Variants in HMCES observed in about 807,000 individuals in gnomAD.
The protein encoded by HMCES is 5-hydroxymethylcytosine binding, ES cell specific, also known as abasic site processing protein HMCES.
In HMCES, 27 loss-of-function variants were observed where a neutral mutation model predicts 35.1. That is an observed-to-expected ratio of 0.77 (90% confidence interval 0.57 to 1.06). The LOEUF (loss-of-function observed/expected upper bound fraction) is 1.06. Among genes scored for constraint, HMCES ranks in the 50% least tolerant of loss-of-function variants. HMCES has a pLI of 0.00. For synonymous variants in HMCES, 130 were observed against 154.7 expected, an observed-to-expected ratio of 0.84 and a Z score of 1.18; for missense variants, 391 against 430.4, an observed-to-expected ratio of 0.91 and a Z score of 0.81.
chr3:129,282,312 AGC>A, intron 2 of HMCES, among the ~76,000 whole-genome samples: 3 of 151,852 alleles, frequency 2.0e-5, no homozygotes, highest in South Asian at 2.1e-4. Context: ...AAAAAAAAAA[AGC>A]CTTAGTCATT....
chr3:129,298,461 GGGA>G lies in HMCES; in HGVS notation c.566_568del (p.Gly189del), dbSNP rs778989509. 20 of 1,614,178 alleles carry G rather than the reference GGGA, an allele frequency of 1.2e-5. No homozygotes were observed. In the South Asian group the frequency reaches 1.9e-4, roughly 15 times the overall value. On this transcript the variant is annotated inframe_deletion, in exon 5 of 7. Transcript: ENST00000383463. ...TCTTTGACTGCTGGGAGCCCCCAGA[GGGA>G]GGAGATGTCCTGTATTCCTATACCA...
At chr3:129,291,596 AATTC>A (rs1194038192) in intron 4 of HMCES, among the ~76,000 whole-genome samples, 1 of 152,214 alleles carries the variant, frequency 6.6e-6, no homozygotes, top group Non-Finnish European at 1.5e-5. Context: ...ACATTTTGTT[AATTC>A]ATTCATCAGT....
At chr3:129,288,049 T>A (rs573791381) in intron 2 of HMCES, among the ~76,000 whole-genome samples, 1 of 151,496 alleles carries the variant, frequency 6.6e-6, no homozygotes, top group Non-Finnish European at 1.5e-5. Context: ...AGAGCGAGAC[T>A]CCGTCTCAAA....
At position 129,302,131 on chromosome 3, in the gene HMCES, G is replaced by C. The variant is rs970647269; in HGVS notation, c.817G>C (p.Val273Leu). ...TPECLAPVDLVVKKELRASGS... is the reference protein window; with the variant it reads ...TPECLAPVDLLVKKELRASGS... The stretch of plus-strand genomic sequence containing the variant: ...TGAGTGTCTGGCTCCTGTCGACTTG[G>C]TGGTCAAAAAGGTAGGGGCCTGTGA... The change falls in exon 6 of 7, where the codon GTG (valine) becomes CTG (leucine). Residue 273 changes from valine (V) to leucine (L), a missense_variant. Transcript: ENST00000383463. 6 of 1,611,006 alleles carry C rather than the reference G, an allele frequency of 3.7e-6. No homozygotes were observed. The highest frequency in any genetic ancestry group is 4.2e-6 in the Non-Finnish European group (5 of 1,179,092).
At chr3:129,298,988 C>T (rs2071127822) in intron 5 of HMCES, among the ~76,000 whole-genome samples, 1 of 152,110 alleles carries the variant, frequency 6.6e-6, no homozygotes, top group African/African-American at 2.4e-5. Context: ...ACTAAAAATA[C>T]AACAACTAAA....
chr3:129,303,595 C>G (rs1178762487), intron 6 of HMCES, among the ~76,000 whole-genome samples: 1 of 152,120 alleles, frequency 6.6e-6, no homozygotes, highest in Non-Finnish European at 1.5e-5. Flanking sequence ...TGAAATGTAC[C>G]AACAAGCATT....
Position 129,304,811 on chromosome 3 carries a change from C to T in HMCES, c.1051C>T (p.Pro351Ser). 2 of 1,614,036 alleles carry T rather than the reference C, an allele frequency of 1.2e-6. No homozygotes were observed. The highest frequency in any genetic ancestry group is 8.5e-7 in the Non-Finnish European group (1 of 1,179,924). The stretch of plus-strand genomic sequence containing the variant: ...GGAGGAGGAACCTGTGGCCAAGCGT[C>T]CTTACAGCCAGTGACACAGGACTTT... ...EKEEEPVAKRPYSQ is the reference protein window; with the variant it reads ...EKEEEPVAKRSYSQ The change falls in exon 7 of 7, where the codon CCT becomes TCT. Residue 351 changes from proline to serine, a missense_variant. Transcript: ENST00000383463.
At chr3:129,303,726 G>T (rs567689467) in intron 6 of HMCES, among the ~76,000 whole-genome samples, 1 of 151,790 alleles carries the variant, frequency 6.6e-6, no homozygotes, top group East Asian at 1.9e-4. Context: ...GCCCATTTCT[G>T]CCATGGTCTT....
At chr3:129,300,821 G>C (rs1230077275) in intron 5 of HMCES, among the ~76,000 whole-genome samples, 1 of 152,150 alleles carries the variant, frequency 6.6e-6, no homozygotes, top group Non-Finnish European at 1.5e-5. Flanking sequence ...ATGAGGTCAG[G>C]AGATCGAGAC....
chr3:129,302,841 C>T (rs925478795), intron 6 of HMCES, among the ~76,000 whole-genome samples: 2 of 151,458 alleles, frequency 1.3e-5, no homozygotes, highest in Admixed American at 6.6e-5. Flanking sequence ...AGTGAGACCC[C>T]GTTCTCCACA....
Position 129,302,003 on chromosome 3 carries a change from G to A in HMCES, c.689G>A (p.Gly230Asp). ...GCAGTTTCTAAATGGCTTGACTTTG[G>A]TGAAGTCTCAACTCAGGAAGCTCTG... ...EEAVSKWLDF[G>D]EVSTQEALKL... The change falls in exon 6 of 7, where the codon GGT (glycine) becomes GAT (aspartate). Residue 230 changes from glycine (G) to aspartate (D), a missense_variant. Physicochemically the swap from Gly to Asp is moderately conservative, Grantham distance 94. Transcript: ENST00000383463. The A allele has an allele frequency of 6.2e-6, 10 of 1,614,124 alleles. No homozygotes were observed. Among genetic ancestry groups the A allele is most frequent in the Non-Finnish European group, 8.5e-6 (10 of 1,180,010 alleles).
Position 129,290,738 on chromosome 3 carries a change from G to A in HMCES, c.387G>A (p.Gln129=). 1.2e-6 allele frequency: 2 copies of A among 1,613,596 alleles called. No homozygotes were observed. The highest frequency in any genetic ancestry group is 1.7e-6 in the Non-Finnish European group (2 of 1,179,562). ...VVLADGFYEW[Q]RCQGTNQRQP... is the part of the protein sequence containing the mutation. ...TAGCAGATGGATTCTATGAGTGGCA[G>A]CGATGTCAGGGAACAAACCAGAGGC... is the stretch of plus-strand genomic sequence containing the variant. Residue 129 remains glutamine, a synonymous_variant, in exon 4 of 7, where the codon CAG becomes CAA. Coordinates refer to ENST00000383463, the MANE Select transcript of HMCES (RefSeq NM_020187.3).
At chr3:129,296,833 C>T (rs62266904) in intron 4 of HMCES, among the ~76,000 whole-genome samples, 18,741 of 152,054 alleles carry the variant, frequency 0.12, 1,308 homozygotes, top group Middle Eastern at 0.23. Context: ...GGTGCGATCT[C>T]GGCTCACTGC....
rs757888582 is a variant in HMCES at position 129,279,799 on chromosome 3, C to T, written c.67C>T (p.Arg23Trp). The stretch of plus-strand genomic sequence containing the variant: ...CACGAGAGCTTGCGCCTACCAGGAT[C>T]GGCGGGGCCAGCAGCGGCTCCCGGA... Reference protein sequence around the residue: ...VLTRACAYQDRRGQQRLPEWR... With the variant: ...VLTRACAYQDWRGQQRLPEWR... The change falls in exon 2 of 7, where the codon CGG becomes TGG. Residue 23 changes from arginine (R) to tryptophan (W), a missense_variant. Coordinates refer to ENST00000383463, the MANE Select transcript of HMCES (RefSeq NM_020187.3). This position sits in a 1 kb window ranked among gnomAD's most constrained non-coding sequence, Gnocchi z 4.2. 1.2e-6 allele frequency: 2 copies of T among 1,613,248 alleles called. No individual in the cohort carries two copies. The highest frequency in any genetic ancestry group is 1.1e-5 in the South Asian group (1 of 90,916).
chr3:129,292,497 CTTT>C (rs763165708), intron 4 of HMCES, among the ~76,000 whole-genome samples: 1 of 133,788 alleles, frequency 7.5e-6, no homozygotes. Context: ...TTTTTTTCTT[CTTT>C]TTTTTTTTTT....
In HMCES at chr3:129,298,378, A is replaced by G. The variant is rs1237401803; in HGVS notation, c.478A>G (p.Ser160Gly). 6.2e-7 allele frequency: 1 copy of G among 1,614,224 alleles called. No individual in the cohort carries two copies. ...EKSGSIGAAD[S>G]PENWEKVWDN... ...GTCAGGTAGCATTGGTGCTGCAGAT[A>G]GTCCTGAGAACTGGGAGAAAGTCTG... is the stretch of plus-strand genomic sequence containing the variant. Residue 160 changes from serine (S) to glycine (G), a missense_variant, in exon 5 of 7, where the codon AGT (serine) becomes GGT (glycine). Ser to Gly is a moderately conservative substitution (Grantham distance 56). Coordinates refer to ENST00000383463, the MANE Select transcript of HMCES (RefSeq NM_020187.3).
chr3:129,301,857 A>G (rs919725425), intron 5 of HMCES, 93 bp from the exon 6 acceptor site: 3 of 1,003,818 alleles, frequency 3.0e-6, no homozygotes, highest in East Asian at 2.4e-5. Flanking sequence ...TCCCCTTGTG[A>G]TATTTGAGGT....
At position 129,279,610 on chromosome 3, in the gene HMCES, G is replaced by GC; in HGVS notation, c.-23-99dup. ...GACTTTAGACGGTGGTCACGGAGGG[G>GC]CACGGCCCTGTGGGAACGGAAAGAG... On this transcript the variant is annotated intron_variant, in intron 1 of 6. Coordinates refer to ENST00000383463, the MANE Select transcript of HMCES (RefSeq NM_020187.3). The surrounding 1 kb of genome is among the most constrained non-coding windows in gnomAD (Gnocchi z 4.2). 8.4e-7 allele frequency: 1 copy of GC among 1,192,230 alleles called. No homozygotes were observed. Among genetic ancestry groups the GC allele is most frequent in the Non-Finnish European group, 1.2e-6 (1 of 845,660 alleles). 73.9% of individuals were successfully genotyped at this position (1,192,230 alleles called of 1,614,324 possible).
chr3:129,303,309 G>A (rs181652143), intron 6 of HMCES, among the ~76,000 whole-genome samples: 8 of 152,300 alleles, frequency 5.3e-5, no homozygotes, highest in East Asian at 3.9e-4. Context: ...TTAGAATGCC[G>A]TGTTAAGGAT....
Sources: allele counts gnomAD v4.1 joint callset (sites outside exome capture counted in the v4.1 genomes callset), GRCh38; gene constraint gnomAD v4.1.1; non-coding constraint Gnocchi (gnomAD v3.1); transcripts MANE v1.5; gene names NCBI Gene and HGNC (gene_info 2026-07-23, HGNC 2026-07-21).